PTPRT: variants seen among roughly 807,000 people sequenced by gnomAD.
PTPRT encodes the protein protein tyrosine phosphatase receptor type T.
A neutral mutation model predicts 176.8 loss-of-function variants in PTPRT; 56 were observed. The ratio of observed to expected loss-of-function variants is 0.32; its 90% CI spans 0.26 to 0.40. The LOEUF (loss-of-function observed/expected upper bound fraction) is 0.40. PTPRT is among the 10% of genes least tolerant of loss of function. The probability of loss-of-function intolerance (pLI) is 1.00; values close to 1 mark genes in which losing one functional copy is unlikely to be tolerated. For synonymous variants in PTPRT, 783 were observed against 739.0 expected (o/e 1.06, Z -0.96); for missense variants, 1,540 against 1,908.2 (o/e 0.81, Z 3.60).
Position 42,352,030 on chromosome 20 carries a change from C to A in PTPRT, c.1762+54G>T, listed in dbSNP as rs560678630. On this transcript the variant is annotated intron_variant, in intron 10 of 30. Transcript: ENST00000373187. ...GAAAAATTTCCACTTCAAGGAAAAT[C>A]AGGAAGTGGGGGTGAAACAACCTTT... is the stretch of plus-strand genomic sequence containing the variant. The A allele has an allele frequency of 4.5e-5, 70 of 1,553,690 alleles. 3 individuals carry two copies. In the South Asian group the frequency reaches 7.5e-4, roughly 17 times the overall value.
intron 7 of PTPRT, among the ~76,000 whole-genome samples, chr20:42,603,930 C>A (rs917936878): frequency 6.6e-6 from 1 of 152,268 alleles, no homozygotes; most frequent in South Asian, 2.1e-4. Context: ...AAAATCCAGA[C>A]AAAACAATTG....
intron 7 of PTPRT, among the ~76,000 whole-genome samples, chr20:42,521,312 T>C (rs770434842): frequency 6.6e-6 from 1 of 152,160 alleles, no homozygotes. Flanking sequence ...ATGTATTGCC[T>C]TTCTTCTTCA....
chr20:42,760,157 C>A (rs547300966), intron 5 of PTPRT, among the ~76,000 whole-genome samples: 1 of 152,124 alleles, frequency 6.6e-6, no homozygotes, highest in African/African-American at 2.4e-5. Flanking sequence ...GAGGGCAGCT[C>A]TCTGGGAAAA....
At chr20:42,364,007 CT>C (rs2058479623) in intron 9 of PTPRT, among the ~76,000 whole-genome samples, 1 of 152,102 alleles carries the variant, frequency 6.6e-6, no homozygotes, top group Non-Finnish European at 1.5e-5. Flanking sequence ...GCAGAGAGAG[CT>C]TTTGAGTGCA....
chr20:42,967,601 G>T (rs1319513244), intron 1 of PTPRT, among the ~76,000 whole-genome samples: 1 of 152,136 alleles, frequency 6.6e-6, no homozygotes, highest in Non-Finnish European at 1.5e-5. Flanking sequence ...ACAAATTTGT[G>T]TTGTTTTAAG....
chr20:42,236,198 G>C lies in PTPRT; in HGVS notation c.2342+31C>G, dbSNP rs765578802. The C allele has an allele frequency of 5.7e-6, 9 of 1,568,788 alleles. No individual in the cohort carries two copies. The Admixed American group carries it at 1.4e-4, about 24-fold the overall frequency. ...TGCTACAGGTTCCCTTACAGGGCAC[G>C]AAGCAAAGTTAACACCAGCTCGATA... On this transcript the variant is annotated intron_variant, in intron 15 of 30. Transcript: ENST00000373187.
At chr20:42,490,375 C>T (rs1283535267) in intron 7 of PTPRT, among the ~76,000 whole-genome samples, 1 of 152,048 alleles carries the variant, frequency 6.6e-6, no homozygotes, top group Non-Finnish European at 1.5e-5. Flanking sequence ...ACTTTTTCTC[C>T]ATCTATTCAG....
In PTPRT at chr20:42,780,413, A is replaced by T. The variant is rs1685662118; in HGVS notation, c.487-114T>A. 4.0e-6 allele frequency: 3 copies of T among 755,544 alleles called. No homozygotes were observed. In the Admixed American group the frequency reaches 6.3e-5, roughly 16 times the overall value. 46.8% of individuals were successfully genotyped at this position (755,544 alleles called of 1,614,324 possible). A position where few individuals can be genotyped will look rare whatever the true frequency, so the allele number is the denominator to read the frequency against. On this transcript the variant is annotated intron_variant, in intron 3 of 30. Coordinates refer to ENST00000373187, the MANE Select transcript of PTPRT (RefSeq NM_007050.6). ...TCAACTTCCCATCAGAAGCAACCCA[A>T]GAAACCTTCTGTTAAGACAGCACGC...
intron 20 of PTPRT, among the ~76,000 whole-genome samples, chr20:42,119,249 G>A (rs1987460388): frequency 6.6e-6 from 1 of 151,934 alleles, no homozygotes; most frequent in Admixed American, 6.5e-5. Context: ...ATTTTCTGAT[G>A]CCCTTAAAAA....
At chr20:42,604,237 G>T (rs967374067) in intron 7 of PTPRT, among the ~76,000 whole-genome samples, 2 of 151,994 alleles carry the variant, frequency 1.3e-5, no homozygotes, top group Non-Finnish European at 2.9e-5. Flanking sequence ...GCATTTCCTG[G>T]TTTTTTCAAC....
At position 43,097,855 on chromosome 20, in the gene PTPRT, A is replaced by G. The variant is rs543625342; in HGVS notation, c.88+91791T>C. On this transcript the variant is annotated intron_variant, in intron 1 of 30. Transcript: ENST00000373187. ...CACAGGGGTCTTTATGATCTTAAGT[A>G]TCTTCTGTGTGGCTCTGACAACCCC... Among the ~76,000 whole-genome samples the G allele has an allele frequency of 1.3e-3, 195 of 152,316 alleles. 1 individual carries two copies. Among genetic ancestry groups the G allele is most frequent in the African/African-American group, 4.5e-3 (186 of 41,580 alleles).
At chr20:42,046,778 A>AGAGTGTGTGTGT in the PTPRT span, among the ~76,000 whole-genome samples, 6 of 150,706 alleles carry the variant, frequency 4.0e-5, no homozygotes, top group Non-Finnish European at 8.9e-5. Context: ...TTGTCATGTG[A>AGAGTGTGTGTGT]GTGTGTGTGT....
intron 1 of PTPRT, among the ~76,000 whole-genome samples, chr20:42,890,873 T>A (rs1189063669): frequency 1.3e-5 from 2 of 152,176 alleles, no homozygotes; most frequent in Non-Finnish European, 2.9e-5. Context: ...TGGGAGATAA[T>A]TGAATCATAG....
chr20:43,019,605 G>A (rs182138028), intron 1 of PTPRT, among the ~76,000 whole-genome samples: 5 of 142,000 alleles, frequency 3.5e-5, no homozygotes, highest in Admixed American at 1.4e-4. Context: ...GCAACAGAGC[G>A]AGACACCGTC....
At chr20:42,384,636 G>T (rs1380670463) in intron 9 of PTPRT, among the ~76,000 whole-genome samples, 1 of 152,198 alleles carries the variant, frequency 6.6e-6, no homozygotes, top group African/African-American at 2.4e-5. Flanking sequence ...AAGTGAGATT[G>T]CTGGGTCACA....
chr20:42,941,071 G>C (rs1980513939), intron 1 of PTPRT, among the ~76,000 whole-genome samples: 1 of 150,682 alleles, frequency 6.6e-6, no homozygotes, highest in Non-Finnish European at 1.5e-5. Context: ...GACAGAGCAA[G>C]ACTCCATCTC....
At chr20:42,936,555 AGC>A (rs1980205547) in intron 1 of PTPRT, among the ~76,000 whole-genome samples, 1 of 152,188 alleles carries the variant, frequency 6.6e-6, no homozygotes, top group Admixed American at 6.5e-5. Context: ...ACTGTCTTAT[AGC>A]TTAACAAGTC....
At chr20:42,966,062 T>C (rs113534589) in intron 1 of PTPRT, among the ~76,000 whole-genome samples, 43 of 152,214 alleles carry the variant, frequency 2.8e-4, no homozygotes, top group African/African-American at 9.9e-4. Context: ...TTCCACACGG[T>C]AAGAACCATG....
intron 3 of PTPRT, among the ~76,000 whole-genome samples, chr20:42,787,729 A>G (rs145669335): frequency 9.8e-5 from 15 of 152,364 alleles, no homozygotes; most frequent in African/African-American, 3.6e-4. Flanking sequence ...TCTGAAAACA[A>G]CGTTCTTCAC....
Sources: allele counts gnomAD v4.1 joint callset (sites outside exome capture counted in the v4.1 genomes callset), GRCh38; gene constraint gnomAD v4.1.1; transcripts MANE v1.5; gene names NCBI Gene and HGNC (gene_info 2026-07-23, HGNC 2026-07-21).